Variants in RAB11B observed in about 807,000 individuals in gnomAD.
The protein encoded by RAB11B is RAB11B, member RAS oncogene family.
A neutral mutation model predicts 23.7 loss-of-function variants in RAB11B; 7 were observed. That is an observed-to-expected ratio of 0.29 (90% CI 0.17 to 0.55). RAB11B has a LOEUF of 0.55. Among genes scored for constraint, RAB11B ranks in the 20% least tolerant of loss-of-function variants. The pLI, the probability that RAB11B is intolerant of heterozygous loss-of-function variation, is 0.93. For missense variants in RAB11B, 189 were observed against 320.0 expected, an observed-to-expected ratio of 0.59 and a Z score of 3.12; for synonymous variants, 138 against 132.0, an observed-to-expected ratio of 1.05 and a Z score of -0.31.
Position 8,396,204 on chromosome 19 carries a change from G to T in RAB11B, c.41-3659G>T, listed in dbSNP as rs553938933. 1.1e-4 allele frequency among the ~76,000 whole-genome samples: 16 copies of T among 152,336 alleles called. No individual in the cohort carries two copies. Among genetic ancestry groups the T allele is most frequent in the African/African-American group, 3.8e-4 (16 of 41,576 alleles). On this transcript the variant is annotated intron_variant, in intron 1 of 4. Transcript: ENST00000328024. The surrounding 1 kb of genome is among the most constrained non-coding windows in gnomAD (Gnocchi z 5.0). ...CCAACCAGAGCGGGTACCAGGTGGG[G>T]TTGTAGGGGCTGCCTGATCCTGCCC...
At chr19:8,390,489 G>T in intron 1 of RAB11B, 33 bp downstream of exon 1, 1 of 1,478,826 alleles carries the variant, frequency 6.8e-7, no homozygotes, top group South Asian at 1.4e-5. Flanking sequence ...GGGCGAAGTC[G>T]TGGCGGCGAG....
At position 8,402,004 on chromosome 19, in the gene RAB11B, C is replaced by T. The variant is rs905750354; in HGVS notation, c.237-82C>T. ...TCGGCCCTGGACGACCCACCCTGGGCGTGATGTGTGCTGTTATCCCGTGAG... is the reference window on the plus strand; with the variant it reads ...TCGGCCCTGGACGACCCACCCTGGGTGTGATGTGTGCTGTTATCCCGTGAG... On this transcript the variant is annotated intron_variant, in intron 2 of 4. Transcript: ENST00000328024. 367 of 1,405,054 alleles carry T rather than the reference C, an allele frequency of 2.6e-4. 1 individual carries two copies. The highest frequency in any genetic ancestry group is 3.1e-4 in the Non-Finnish European group (331 of 1,051,148). The allele number at this position is 1,405,054 out of a possible 1,614,324, so 87.0% of individuals were successfully genotyped here. A position where few individuals can be genotyped will look rare whatever the true frequency, so the allele number is the denominator to read the frequency against.
chr19:8,390,973 G>C (rs1971346930), intron 1 of RAB11B, among the ~76,000 whole-genome samples: 1 of 151,710 alleles, frequency 6.6e-6, no homozygotes, highest in Non-Finnish European at 1.5e-5. Context: ...GGCAGGCAAT[G>C]GGGGCTGGGC....
intron 1 of RAB11B, among the ~76,000 whole-genome samples, chr19:8,391,012 T>C (rs1381475399): frequency 2.0e-5 from 3 of 150,096 alleles, no homozygotes; most frequent in South Asian, 2.1e-4. Context: ...GTGAGGTGTG[T>C]GGTGGTGGGA....
rs564148282 is a variant in RAB11B at position 8,403,839 on chromosome 19, C to T, written c.*281C>T. On this transcript the variant is annotated 3_prime_UTR_variant, in exon 5 of 5. Coordinates refer to ENST00000328024, the MANE Select transcript of RAB11B (RefSeq NM_004218.4). ...CAGGATGGACGGGGCTGGCCAGAGG[C>T]GAGGAGGACGGGCGGACGGCGCCGC... 1.0e-5 allele frequency: 4 copies of T among 398,860 alleles called. No homozygotes were observed. The highest frequency in any genetic ancestry group is 8.6e-5 in the East Asian group (2 of 23,370). 24.7% of individuals were successfully genotyped at this position (398,860 alleles called of 1,614,324 possible).
chr19:8,393,852 G>A (rs1228539375), intron 1 of RAB11B, among the ~76,000 whole-genome samples: 2 of 152,200 alleles, frequency 1.3e-5, no homozygotes, highest in African/African-American at 2.4e-5. Flanking sequence ...CACTGTCATG[G>A]GGCAGGCCAG....
At chr19:8,397,501 T>C (rs1344128157) in intron 1 of RAB11B, among the ~76,000 whole-genome samples, 4 of 148,550 alleles carry the variant, frequency 2.7e-5, no homozygotes, top group African/African-American at 1.0e-4. Context: ...CCCGGGGGAG[T>C]GGGGGTAGCT....
At chr19:8,401,447 C>T (rs537299035) in intron 2 of RAB11B, among the ~76,000 whole-genome samples, 4 of 151,362 alleles carry the variant, frequency 2.6e-5, no homozygotes, top group East Asian at 3.9e-4. Context: ...GTCACAATCT[C>T]GGCTCACTGC....
chr19:8,402,822 C>T, intron 4 of RAB11B: 1 of 566,786 alleles, frequency 1.8e-6, no homozygotes, highest in South Asian at 2.3e-5. Flanking sequence ...GCCACCACAC[C>T]CGCTAATTTT....
At chr19:8,402,023 C>A in intron 2 of RAB11B, 63 bp from the exon 3 acceptor site, 1 of 1,478,056 alleles carries the variant, frequency 6.8e-7, no homozygotes, top group Non-Finnish European at 9.1e-7. Flanking sequence ...TGCTGTTATC[C>A]CGTGAGGCTG....
At chr19:8,391,978 C>T (rs1414230616) in intron 1 of RAB11B, among the ~76,000 whole-genome samples, 1 of 151,906 alleles carries the variant, frequency 6.6e-6, no homozygotes, top group Non-Finnish European at 1.5e-5. Flanking sequence ...CAGCAGGTGC[C>T]CGGCCCAAGG....
At chr19:8,391,413 C>T (rs1007833726) in intron 1 of RAB11B, among the ~76,000 whole-genome samples, 3 of 152,242 alleles carry the variant, frequency 2.0e-5, no homozygotes, top group African/African-American at 7.2e-5. Flanking sequence ...AGCCAGCCTG[C>T]TGGAGGGTCT....
At chr19:8,401,949 C>T in intron 2 of RAB11B, 137 bp from the exon 3 acceptor site, 1 of 817,104 alleles carries the variant, frequency 1.2e-6, no homozygotes, top group Non-Finnish European at 1.9e-6. Flanking sequence ...ACACACCCTT[C>T]CCTTGAGGCC....
chr19:8,397,389 A>G (rs1971405161), intron 1 of RAB11B, among the ~76,000 whole-genome samples: 1 of 151,984 alleles, frequency 6.6e-6, no homozygotes, highest in Non-Finnish European at 1.5e-5. Context: ...TCGAAGGTAG[A>G]GTGGGAGACT....
intron 1 of RAB11B, among the ~76,000 whole-genome samples, chr19:8,395,409 C>A (rs192010768): frequency 6.6e-6 from 1 of 152,004 alleles, no homozygotes; most frequent in African/African-American, 2.4e-5. Context: ...CCACCACACC[C>A]GGCTAATTTT....
intron 4 of RAB11B, 91 bp from the exon 5 acceptor site, chr19:8,403,322 G>A (rs1240953505): frequency 6.7e-7 from 1 of 1,498,028 alleles, no homozygotes; most frequent in African/African-American, 1.4e-5. Context: ...GGGGTCTGGA[G>A]AGGGCCTCTG....
At chr19:8,391,076 A>C (rs1173537116) in intron 1 of RAB11B, among the ~76,000 whole-genome samples, 2 of 152,184 alleles carry the variant, frequency 1.3e-5, no homozygotes, top group Admixed American at 1.3e-4. Context: ...CCGTGTGTGC[A>C]GCAAGAATTC....
rs1471606469 is a variant in RAB11B, at chr19:8,403,458, C to T, written c.557C>T (p.Ala186Val). The change falls in exon 5 of 5, where the codon GCC becomes GTC. Residue 186 changes from alanine to valine, a missense_variant. Ala to Val is a moderately conservative substitution (Grantham distance 64). This residue lies in a region of RAB11B where 122 missense variants were observed against 170.8 expected (regional missense o/e 0.71). Coordinates refer to ENST00000328024, the MANE Select transcript of RAB11B (RefSeq NM_004218.4). ...VSQKQIADRA[A>V]HDESPGNNVV... ...CAGAAACAGATCGCAGACCGCGCTG[C>T]CCACGACGAGTCCCCGGGGAACAAC... The T allele has an allele frequency of 6.2e-7, 1 of 1,613,726 alleles. No homozygotes were observed. Among genetic ancestry groups the T allele is most frequent in the Non-Finnish European group, 8.5e-7 (1 of 1,179,768 alleles).
At chr19:8,392,932 T>C (rs1167641615) in intron 1 of RAB11B, among the ~76,000 whole-genome samples, 6 of 151,478 alleles carry the variant, frequency 4.0e-5, no homozygotes, top group Non-Finnish European at 7.4e-5. Context: ...GTGATCCACC[T>C]GTCTCGGCCT....
Sources: gnomAD v4.1 joint callset for allele counts (sites outside exome capture counted in the v4.1 genomes callset) on GRCh38, gnomAD v4.1.1 for gene constraint, gnomAD v4.1.1 regional missense constraint, Gnocchi (gnomAD v3.1) non-coding constraint, MANE v1.5 for transcripts, NCBI Gene and HGNC (gene_info 2026-07-23, HGNC 2026-07-21) for gene names.